The following TEK variants were observed in gnomAD, a reference collection of about 807,000 sequenced individuals.
The protein encoded by TEK is TEK receptor tyrosine kinase.
In TEK, 43 loss-of-function variants were observed where a neutral mutation model predicts 131.8. That is an observed-to-expected ratio of 0.33 (90% CI 0.26 to 0.42). The LOEUF (loss-of-function observed/expected upper bound fraction) is 0.42, where lower values mean the gene tolerates loss of function less well. TEK is among the 10% of genes least tolerant of loss of function. The pLI is 1.00. For synonymous variants in TEK, 580 were observed against 491.6 expected (o/e 1.18, Z -2.38); for missense variants, 1,162 against 1,384.4 (o/e 0.84, Z 2.55).
chr9:27,137,186 G>A (rs1370293057), intron 1 of TEK, among the ~76,000 whole-genome samples: 2 of 151,846 alleles, frequency 1.3e-5, no homozygotes, highest in African/African-American at 2.4e-5. Flanking sequence ...CCAAAGTGCT[G>A]GGATTACAGG....
At chr9:27,112,946 G>T (rs766422278) in intron 1 of TEK, among the ~76,000 whole-genome samples, 3 of 152,174 alleles carry the variant, frequency 2.0e-5, no homozygotes, top group Non-Finnish European at 2.9e-5. Flanking sequence ...AGACAACATA[G>T]GCTCTGCTTG....
At position 27,202,650 on chromosome 9, in the gene TEK, C is replaced by T. The variant is rs1002810495; in HGVS notation, c.1910-170C>T. Among the ~76,000 whole-genome samples the T allele has an allele frequency of 2.6e-5, 4 of 152,200 alleles. 1 individual carries two copies. The highest frequency in any genetic ancestry group is 4.4e-5 in the Non-Finnish European group (3 of 68,046). ...TGTTGCCATTTCTCTGTCTGTGCCA[C>T]TCTTTCAAGTCTGCGTGGAGTCCAG... On this transcript the variant is annotated intron_variant, in intron 12 of 22. Transcript: ENST00000380036.
chr9:27,227,803 A>G (rs1475143061), intron 21 of TEK, among the ~76,000 whole-genome samples: 2 of 152,106 alleles, frequency 1.3e-5, no homozygotes, highest in African/African-American at 2.4e-5. Flanking sequence ...TTTGTTTTTA[A>G]TGACAGTGCT....
At chr9:27,216,147 G>T (rs1825813660) in intron 18 of TEK, among the ~76,000 whole-genome samples, 1 of 152,178 alleles carries the variant, frequency 6.6e-6, no homozygotes, top group Non-Finnish European at 1.5e-5. Flanking sequence ...TAAGGATTTG[G>T]GATCTTGGAA....
At chr9:27,206,516 A>T (rs1444899689) in intron 14 of TEK, 66 bp from the exon 15 acceptor site, 3 of 1,508,632 alleles carry the variant, frequency 2.0e-6, no homozygotes, top group Non-Finnish European at 2.7e-6. Context: ...GCCAACCAGA[A>T]GACATTATGC....
At chr9:27,121,143 G>A (rs1045249462) in intron 1 of TEK, among the ~76,000 whole-genome samples, 9 of 152,054 alleles carry the variant, frequency 5.9e-5, no homozygotes, top group African/African-American at 1.7e-4. Flanking sequence ...CCAACATGGC[G>A]AAACCCCGCC....
At chr9:27,173,138 A>C in intron 5 of TEK, 84 bp from the exon 6 acceptor site, 1 of 1,555,822 alleles carries the variant, frequency 6.4e-7, no homozygotes, top group Admixed American at 1.7e-5. Context: ...TATTCACTAG[A>C]CTAGGAGAAA....
At chr9:27,192,644 A>G in intron 11 of TEK, 21 bp downstream of exon 11, 1 of 1,346,482 alleles carries the variant, frequency 7.4e-7, no homozygotes, top group Non-Finnish European at 9.8e-7. Context: ...GCCAACAGGC[A>G]TTTATTCATG....
At chr9:27,140,480 T>C (rs1229180683) in intron 1 of TEK, among the ~76,000 whole-genome samples, 1 of 152,038 alleles carries the variant, frequency 6.6e-6, no homozygotes. Flanking sequence ...AAATGATATA[T>C]GTCCACATTT....
chr9:27,121,722 A>C (rs1433682450), intron 1 of TEK, among the ~76,000 whole-genome samples: 1 of 152,120 alleles, frequency 6.6e-6, no homozygotes, highest in Non-Finnish European at 1.5e-5. Context: ...TGATAGAAAA[A>C]TTGCACAGGT....
chr9:27,151,505 A>T (rs1564062126), intron 1 of TEK, among the ~76,000 whole-genome samples: 1 of 152,124 alleles, frequency 6.6e-6, no homozygotes, highest in African/African-American at 2.4e-5. Flanking sequence ...TTATCTTCTC[A>T]TCTCTCTCTT....
intron 1 of TEK, among the ~76,000 whole-genome samples, chr9:27,145,213 T>G (rs1331834487): frequency 6.6e-6 from 1 of 152,190 alleles, no homozygotes; most frequent in Non-Finnish European, 1.5e-5. Flanking sequence ...CAGAATTGCT[T>G]GCACGTGCAG....
rs1291636206 is a variant in TEK, at chr9:27,212,794, C to T, written c.2774C>T (p.Ala925Val). Reference protein sequence around the residue: ...RKSRVLETDPAFAIANSTAST... With the variant: ...RKSRVLETDPVFAIANSTAST... ...AGCCGTGTGCTGGAGACGGACCCAG[C>T]ATTTGCCATTGCCAATAGCACCGCG... The change falls in exon 17 of 23, where the codon GCA becomes GTA. Residue 925 changes from alanine (A) to valine (V), a missense_variant. This residue lies in a region of TEK where 107 missense variants were observed against 173.9 expected (regional missense o/e 0.62). Coordinates refer to ENST00000380036, the MANE Select transcript of TEK (RefSeq NM_000459.5). 6.2e-7 allele frequency: 1 copy of T among 1,613,996 alleles called. No individual in the cohort carries two copies. The highest frequency in any genetic ancestry group is 8.5e-7 in the Non-Finnish European group (1 of 1,180,024).
In TEK at chr9:27,199,144, A is replaced by G. The variant is rs143319163; in HGVS notation, c.1909+1545A>G. On this transcript the variant is annotated intron_variant, in intron 12 of 22. Coordinates refer to ENST00000380036, the MANE Select transcript of TEK (RefSeq NM_000459.5). The stretch of plus-strand genomic sequence containing the variant: ...TATCTCTGAAAGTATACACATGCAT[A>G]CATATCATTCTTCATTTTTTGAATG... Among the ~76,000 whole-genome samples the G allele has an allele frequency of 7.8e-3, 1,193 of 152,292 alleles. 9 individuals carry two copies. The highest frequency in any genetic ancestry group is 0.027 in the African/African-American group (1,122 of 41,566).
Position 27,197,514 on chromosome 9 carries a change from G to A in TEK, c.1824G>A (p.Arg608=). Residue 608 remains arginine, a synonymous_variant, in exon 12 of 23, where the codon AGG becomes AGA. Transcript: ENST00000380036. ...TGCTACTTAACAACTTACATCCCAG[G>A]GAGCAGTACGTGGTCCGAGCTAGAG... ...TSVLLNNLHP[R]EQYVVRARVN... is the part of the protein sequence containing the mutation. 3.1e-6 allele frequency: 5 copies of A among 1,614,024 alleles called. No individual in the cohort carries two copies. Among genetic ancestry groups the A allele is most frequent in the Non-Finnish European group, 4.2e-6 (5 of 1,180,000 alleles).
rs1284474132 is a variant in TEK, at chr9:27,219,730, A to C, written c.3104-319A>C. 2.0e-5 allele frequency among the ~76,000 whole-genome samples: 3 copies of C among 151,690 alleles called. No individual in the cohort carries two copies. In the East Asian group the frequency reaches 5.8e-4, roughly 29 times the overall value. On this transcript the variant is annotated intron_variant, in intron 20 of 22. Coordinates refer to ENST00000380036, the MANE Select transcript of TEK (RefSeq NM_000459.5). ...TAAAACTATGGACTTCCAATCAGAA[A>C]AAAAGGTTAATCTTATTGGTATAAT...
At chr9:27,213,123 T>C (rs1212861984) in intron 17 of TEK, among the ~76,000 whole-genome samples, 1 of 152,190 alleles carries the variant, frequency 6.6e-6, no homozygotes, top group African/African-American at 2.4e-5. Flanking sequence ...AATTTTCTTC[T>C]ATCTAATTTC....
In TEK at chr9:27,217,714, C is replaced by G; in HGVS notation, c.3018C>G (p.Ala1006=). 1.2e-6 allele frequency: 2 copies of G among 1,613,852 alleles called. No homozygotes were observed. Among genetic ancestry groups the G allele is most frequent in the Non-Finnish European group, 1.7e-6 (2 of 1,179,836 alleles). Residue 1006 remains alanine (A), a synonymous_variant, in exon 19 of 23, where the codon GCC becomes GCG. Transcript: ENST00000380036. The stretch of plus-strand genomic sequence containing the variant: ...GAAGGCTCCCAGTGCGCTGGATGGC[C>G]ATCGAGTCACTGAATTACAGTGTGT... ...TMGRLPVRWM[A]IESLNYSVYT... is the part of the protein sequence containing the mutation.
At chr9:27,212,153 C>T (rs932455654) in intron 16 of TEK, among the ~76,000 whole-genome samples, 3 of 152,014 alleles carry the variant, frequency 2.0e-5, no homozygotes, top group African/African-American at 7.2e-5. Flanking sequence ...TGGCCAGAGA[C>T]CCAATCAGCA....
Sources: allele counts gnomAD v4.1 joint callset (sites outside exome capture counted in the v4.1 genomes callset), GRCh38; gene constraint gnomAD v4.1.1; regional missense constraint gnomAD v4.1.1; transcripts MANE v1.5; gene names NCBI Gene and HGNC (gene_info 2026-07-23, HGNC 2026-07-21).